Variants in C16orf96 observed in about 807,000 individuals in gnomAD.
C16orf96 encodes the protein uncharacterized protein C16orf96.
A neutral mutation model predicts 103.6 loss-of-function variants in C16orf96; 108 were observed. The observed-to-expected ratio is 1.04, with a 90% confidence interval of 0.89 to 1.22. The LOEUF (loss-of-function observed/expected upper bound fraction) is 1.22. Ranked by LOEUF, C16orf96 falls within the 50% of genes most tolerant of loss-of-function variation. The probability of loss-of-function intolerance (pLI) is 0.00; values close to 1 mark genes in which losing one functional copy is unlikely to be tolerated. For synonymous variants in C16orf96, 566 were observed against 593.5 expected (o/e 0.95, Z 0.67); for missense variants, 1,586 against 1,464.2 (o/e 1.08, Z -1.36).
the C16orf96 span, among the ~76,000 whole-genome samples, chr16:4,542,227 T>C: frequency 2.0e-5 from 3 of 152,156 alleles, no homozygotes; most frequent in African/African-American, 4.8e-5. Flanking sequence ...TAGCCAGCTG[T>C]GGTGGCTCAT....
Position 4,574,763 on chromosome 16 carries a change from A to G in C16orf96, c.580A>G (p.Lys194Glu). 1 of 1,551,808 alleles carries G rather than the reference A, an allele frequency of 6.4e-7. No individual in the cohort carries two copies. Among genetic ancestry groups the G allele is most frequent in the East Asian group, 2.4e-5 (1 of 40,922 alleles). The change falls in exon 3 of 16, where the codon AAG (lysine) becomes GAG (glutamate). Residue 194 changes from lysine (K) to glutamate (E), a missense_variant. By Grantham distance (56) the Lys-to-Glu change is moderately conservative. Coordinates refer to ENST00000444310, the MANE Select transcript of C16orf96 (RefSeq NM_001145011.2). ...FAEDFKIQNW[K>E]MVALQREVAS... ...TGAAGACTTCAAAATACAGAACTGG[A>G]AGATGGTTGCACTGCAGCGGGAAGT...
the C16orf96 span, among the ~76,000 whole-genome samples, chr16:4,541,967 C>G: frequency 6.6e-6 from 1 of 152,286 alleles, no homozygotes; most frequent in East Asian, 1.9e-4. Flanking sequence ...GTGTTTGTGG[C>G]CACTTATATG....
At chr16:4,555,309 C>G (rs1351533920), upstream of C16orf96, among the ~76,000 whole-genome samples, 3 of 108,044 alleles carry the variant, frequency 2.8e-5, no homozygotes, top group South Asian at 4.5e-4. Context: ...CACACACACA[C>G]ACGAGAAAAT....
chr16:4,571,530 C>A (rs375062189), intron 1 of C16orf96, 31 bp from the exon 2 acceptor site: 3 of 1,534,752 alleles, frequency 2.0e-6, no homozygotes, highest in South Asian at 1.2e-5. Context: ...CAGCCATACC[C>A]GGCTTCACAT....
chr16:4,560,711 G>A (rs1420119055), intron 1 of C16orf96: 1 of 152,184 alleles, frequency 6.6e-6, no homozygotes, highest in East Asian at 1.9e-4. Context: ...TCTTTGGGAG[G>A]CTGAGGCAAG....
intron 1 of C16orf96, among the ~76,000 whole-genome samples, chr16:4,563,659 C>T (rs2059356185): frequency 6.6e-6 from 1 of 152,062 alleles, no homozygotes; most frequent in Non-Finnish European, 1.5e-5. Flanking sequence ...GCCTCTGCCT[C>T]CTGGGTTCAA....
upstream of C16orf96, among the ~76,000 whole-genome samples, chr16:4,555,703 T>C (rs529881698): frequency 2.7e-4 from 40 of 149,636 alleles, no homozygotes; most frequent in South Asian, 5.7e-3. Flanking sequence ...CTTTTCTTTT[T>C]TTTTTTTTTT....
At chr16:4,554,468 A>G (rs547612762), upstream of C16orf96, among the ~76,000 whole-genome samples, 2 of 151,172 alleles carry the variant, frequency 1.3e-5, no homozygotes, top group South Asian at 2.1e-4. Context: ...CTTCTGCCTC[A>G]GCCTCCCGAG....
intron 9 of C16orf96, among the ~76,000 whole-genome samples, chr16:4,588,984 A>G (rs1027498227): frequency 6.6e-6 from 1 of 152,078 alleles, no homozygotes; most frequent in Admixed American, 6.6e-5. Context: ...CCAGTCTACT[A>G]TGAGGAAGGG....
intron 7 of C16orf96, among the ~76,000 whole-genome samples, chr16:4,585,987 C>T (rs1403783522): frequency 3.9e-5 from 6 of 152,038 alleles, no homozygotes; most frequent in Non-Finnish European, 7.4e-5. Flanking sequence ...GAGCCAGGCG[C>T]GGTGGCTCAC....
intron 2 of C16orf96, among the ~76,000 whole-genome samples, chr16:4,571,921 C>A (rs1000160457): frequency 2.0e-5 from 3 of 151,224 alleles, no homozygotes; most frequent in African/African-American, 7.3e-5. Flanking sequence ...ATGATCTTGG[C>A]TCACGGCAAC....
upstream of C16orf96, among the ~76,000 whole-genome samples, chr16:4,552,298 G>A (rs1165864630): frequency 1.3e-5 from 2 of 151,812 alleles, no homozygotes; most frequent in African/African-American, 4.8e-5. Flanking sequence ...CCTGGGCAAC[G>A]TGGTGAAACC....
At chr16:4,577,897 C>A (rs2059532608) in intron 5 of C16orf96, among the ~76,000 whole-genome samples, 1 of 152,108 alleles carries the variant, frequency 6.6e-6, no homozygotes, top group African/African-American at 2.4e-5. Context: ...GCAGAGGTTG[C>A]AGTGAGCAGA....
chr16:4,552,898 A>G (rs937133192), upstream of C16orf96, among the ~76,000 whole-genome samples: 1 of 152,182 alleles, frequency 6.6e-6, no homozygotes, highest in African/African-American at 2.4e-5. Flanking sequence ...GTTAACATTT[A>G]TTTTATAATA....
intron 9 of C16orf96, among the ~76,000 whole-genome samples, chr16:4,590,048 C>A (rs1250538236): frequency 1.3e-5 from 2 of 151,946 alleles, no homozygotes; most frequent in African/African-American, 4.8e-5. Context: ...ATGGCCTGAA[C>A]CCGGGAGGCA....
intron 10 of C16orf96, 72 bp from the exon 11 acceptor site, chr16:4,592,233 T>C: frequency 6.5e-7 from 1 of 1,534,984 alleles, no homozygotes; most frequent in Non-Finnish European, 8.8e-7. Context: ...CCTGGGGCTC[T>C]GGCTGGCTGC....
At chr16:4,574,439 G>C (rs1319489736) in intron 2 of C16orf96, among the ~76,000 whole-genome samples, 6 of 151,924 alleles carry the variant, frequency 3.9e-5, no homozygotes. Flanking sequence ...CCAGGCTGCT[G>C]TCGAACTCCT....
At position 4,595,897 on chromosome 16, in the gene C16orf96, C is replaced by T. The variant is rs144628127; in HGVS notation, c.3127+1094C>T. ...AAATTTTTGTATTTTTTAGTAGAGA[C>T]GGGGTTTCACCATGTTTGGCCTCAA... On this transcript the variant is annotated intron_variant, in intron 14 of 15. Transcript: ENST00000444310. 9.1e-4 allele frequency among the ~76,000 whole-genome samples: 138 copies of T among 151,994 alleles called. 2 individuals carry two copies. The highest frequency in any genetic ancestry group is 3.1e-3 in the African/African-American group (129 of 41,450).
intron 7 of C16orf96, 37 bp from the exon 8 acceptor site, chr16:4,587,002 T>C: frequency 6.5e-7 from 1 of 1,536,910 alleles, no homozygotes; most frequent in Non-Finnish European, 8.8e-7. Flanking sequence ...CTCAAGGCTC[T>C]CCAGGATGGC....
Sources: gnomAD v4.1 joint callset for allele counts (sites outside exome capture counted in the v4.1 genomes callset) on GRCh38, gnomAD v4.1.1 for gene constraint, MANE v1.5 for transcripts, NCBI Gene and HGNC (gene_info 2026-07-23, HGNC 2026-07-21) for gene names.